Variants in NAV1 observed in about 807,000 individuals in gnomAD.
The protein encoded by NAV1 is neuron navigator 1.
A neutral mutation model predicts 175.2 loss-of-function variants in NAV1; 18 were observed. The observed-to-expected ratio is 0.10, with a 90% CI of 0.07 to 0.15. NAV1 has a LOEUF of 0.15. Among genes scored for constraint, NAV1 ranks in the 10% least tolerant of loss-of-function variants. The pLI is 1.00. For missense variants in NAV1, 1,731 were observed against 2,436.6 expected, an observed-to-expected ratio of 0.71 and a Z score of 6.10; for synonymous variants, 897 against 978.7, an observed-to-expected ratio of 0.92 and a Z score of 1.56.
At chr1:201,681,765 G>A (rs1029280979) in intron 1 of NAV1, among the ~76,000 whole-genome samples, 1 of 152,178 alleles carries the variant, frequency 6.6e-6, no homozygotes, top group African/African-American at 2.4e-5. Context: ...TTGAGGTCAG[G>A]AGTTTGAGAC....
chr1:201,677,350 A>C (rs1670292027), intron 1 of NAV1, among the ~76,000 whole-genome samples: 1 of 151,858 alleles, frequency 6.6e-6, no homozygotes. Context: ...CTTGGAAAAC[A>C]GGAAAGGACC....
chr1:201,673,200 A>G (rs1181755602), intron 1 of NAV1: 2 of 152,236 alleles, frequency 1.3e-5, no homozygotes, highest in African/African-American at 2.4e-5. Context: ...GTGTCTCCGC[A>G]TTTGATGGAT....
At chr1:201,614,660 G>A (rs777050892) in intron 2 of NAV1, among the ~76,000 whole-genome samples, 51 of 152,214 alleles carry the variant, frequency 3.4e-4, no homozygotes, top group Non-Finnish European at 5.4e-4. Context: ...CTGATGGGGC[G>A]GGGCCTGGCG....
intron 3 of NAV1, among the ~76,000 whole-genome samples, chr1:201,730,225 A>T (rs762912870): frequency 6.6e-6 from 1 of 152,216 alleles, no homozygotes; most frequent in Non-Finnish European, 1.5e-5. Context: ...ACACACTAAT[A>T]TGGCATTATC....
exon 1 of NAV1, chr1:201,623,426 A>G (rs995399985): frequency 2.1e-5 from 21 of 985,734 alleles, no homozygotes; most frequent in Non-Finnish European, 2.4e-5. Flanking sequence ...ATAAACTACA[A>G]AAGTTCTGGG....
intron 1 of NAV1, among the ~76,000 whole-genome samples, chr1:201,568,933 A>G (rs548338928): frequency 4.4e-4 from 67 of 152,232 alleles, no homozygotes; most frequent in African/African-American, 1.6e-3. Flanking sequence ...CTAGGGAGGA[A>G]GGTCAGACTG....
chr1:201,804,017 C>T (rs373474092), intron 16 of NAV1: 13 of 510,828 alleles, frequency 2.5e-5, no homozygotes, highest in Non-Finnish European at 4.6e-5. Flanking sequence ...CAGAAGGAAA[C>T]ATCTTATCAG....
exon 1 of NAV1, chr1:201,622,980 A>T: frequency 1.0e-6 from 1 of 985,978 alleles, no homozygotes; most frequent in Non-Finnish European, 1.2e-6. Context: ...GGATTCCTAC[A>T]CCGGGCGCTT....
intron 1 of NAV1, among the ~76,000 whole-genome samples, chr1:201,680,462 C>T (rs189263660): frequency 0.013 from 1,943 of 152,004 alleles, 44 homozygotes; most frequent in African/African-American, 0.044. Context: ...GCCGAGATCG[C>T]GCCATTGCAC....
intron 1 of NAV1, among the ~76,000 whole-genome samples, chr1:201,695,849 A>T (rs969245911): frequency 5.9e-5 from 9 of 152,256 alleles, no homozygotes; most frequent in Non-Finnish European, 1.3e-4. Context: ...CCACCCCGGC[A>T]GGAGCTCCGG....
chr1:201,803,803 A>T, intron 16 of NAV1, 89 bp downstream of exon 20: 1 of 1,502,748 alleles, frequency 6.7e-7, no homozygotes, highest in Non-Finnish European at 9.0e-7. Context: ...TCCAGGATTA[A>T]CCAAGGTGTA....
At chr1:201,675,451 A>G (rs957562739) in intron 1 of NAV1, among the ~76,000 whole-genome samples, 2 of 152,234 alleles carry the variant, frequency 1.3e-5, no homozygotes, top group Middle Eastern at 3.4e-3. Context: ...CCTCTTCACC[A>G]TGGTAGAGAG....
intron 1 of NAV1, among the ~76,000 whole-genome samples, chr1:201,546,107 C>A (rs959661169): frequency 3.9e-5 from 6 of 152,168 alleles, no homozygotes; most frequent in African/African-American, 1.2e-4. Context: ...GGTTAGGGGG[C>A]CCCAGCCAGG....
chr1:201,738,263 C>T (rs752107303), intron 3 of NAV1, among the ~76,000 whole-genome samples: 3 of 152,094 alleles, frequency 2.0e-5, no homozygotes, highest in Non-Finnish European at 2.9e-5. Context: ...GCTAGGATCA[C>T]TGCAGCTCTT....
At chr1:201,605,556 G>A (rs1432739720) in intron 2 of NAV1, among the ~76,000 whole-genome samples, 1 of 152,128 alleles carries the variant, frequency 6.6e-6, no homozygotes, top group Non-Finnish European at 1.5e-5. Flanking sequence ...CTAGCATAGA[G>A]GCATTCATGT....
chr1:201,665,119 A>T (rs761737077), intron 1 of NAV1, among the ~76,000 whole-genome samples: 1 of 151,882 alleles, frequency 6.6e-6, no homozygotes, highest in East Asian at 1.9e-4. Flanking sequence ...GCGTCCTCCC[A>T]CCCATGGTTC....
At chr1:201,794,443 C>T (rs764481634) in intron 14 of NAV1, 23 bp from the exon 19 acceptor site, 34 of 1,604,952 alleles carry the variant, frequency 2.1e-5, no homozygotes, top group Admixed American at 3.4e-5. Flanking sequence ...GCCCAGCCAA[C>T]GCTATTTTCA....
intron 2 of NAV1, among the ~76,000 whole-genome samples, chr1:201,632,500 C>T (rs1668505118): frequency 6.6e-6 from 1 of 152,246 alleles, no homozygotes; most frequent in African/African-American, 2.4e-5. Flanking sequence ...AGACCACCAT[C>T]AGATCTTAAT....
At position 201,718,712 on chromosome 1, in the gene NAV1, C is replaced by G. The variant is rs767715832; in HGVS notation, c.1183C>G (p.Leu395Val). The change falls in exon 3 of 30, where the codon CTC becomes GTC. Residue 395 changes from leucine (L) to valine (V), a missense_variant. By Grantham distance (32) the Leu-to-Val change is conservative. Coordinates refer to ENST00000367296, the Ensembl canonical transcript of NAV1. This position sits in a 1 kb window ranked among gnomAD's most constrained non-coding sequence, Gnocchi z 4.8. ...GTCCGGCTACATGAGCGACAGTGAC[C>G]TCATGGGCAAGACCATGACGGAGGA... is the stretch of plus-strand genomic sequence containing the variant. The G allele has an allele frequency of 6.8e-6, 11 of 1,614,086 alleles. No homozygotes were observed. The East Asian group carries it at 8.9e-5, about 13-fold the overall frequency.
Sources: gnomAD v4.1 joint callset for allele counts (sites outside exome capture counted in the v4.1 genomes callset) on GRCh38, gnomAD v4.1.1 for gene constraint, Gnocchi (gnomAD v3.1) non-coding constraint, MANE v1.5 for transcripts, NCBI Gene and HGNC (gene_info 2026-07-23, HGNC 2026-07-21) for gene names.